The following PRDM16 variants were observed in gnomAD, a reference collection of about 807,000 sequenced individuals.
The protein encoded by PRDM16 is PR/SET domain 16.
PRDM16 carries 23 observed loss-of-function variants against 110.6 expected under a neutral mutation model. The observed-to-expected ratio is 0.21, with a 90% CI of 0.15 to 0.29. PRDM16 has a LOEUF of 0.29. Among genes scored for constraint, PRDM16 ranks in the 10% least tolerant of loss-of-function variants. PRDM16 has a pLI of 1.00. For missense variants in PRDM16, 1,615 were observed against 1,794.3 expected (o/e 0.90, Z 1.81); for synonymous variants, 799 against 781.8 (o/e 1.02, Z -0.37).
chr1:3,411,455 C>T lies in PRDM16; in HGVS notation c.1258C>T (p.Arg420Cys). The change falls in exon 9 of 17, where the codon CGC (arginine) becomes TGC (cysteine). Residue 420 changes from arginine (R) to cysteine (C), a missense_variant. Transcript: ENST00000270722. ...GCACAAGCGGATGCACGCCGACTGC[C>T]GCACGCAGATCAAGTGCAAGGACTG... is the stretch of plus-strand genomic sequence containing the variant. ...CRHKRMHADC[R>C]TQIKCKDCGQ... The T allele has an allele frequency of 1.2e-6, 2 of 1,614,196 alleles. No homozygotes were observed. The highest frequency in any genetic ancestry group is 1.1e-5 in the South Asian group (1 of 91,080).
intron 1 of PRDM16, among the ~76,000 whole-genome samples, chr1:3,183,247 C>A (rs1199270327): frequency 6.6e-6 from 1 of 152,162 alleles, no homozygotes; most frequent in Non-Finnish European, 1.5e-5. Context: ...GGTCGGGCAG[C>A]CTCCTGAACT....
intron 1 of PRDM16, among the ~76,000 whole-genome samples, chr1:3,141,845 G>A (rs1249557167): frequency 2.0e-5 from 3 of 152,258 alleles, no homozygotes; most frequent in Non-Finnish European, 4.4e-5. Context: ...GCGGCCTTCA[G>A]TCGGTCAGAT....
intron 1 of PRDM16, among the ~76,000 whole-genome samples, chr1:3,082,949 G>A (rs1034667299): frequency 5.3e-5 from 8 of 152,202 alleles, no homozygotes; most frequent in Admixed American, 4.6e-4. Context: ...ACACTTCTGG[G>A]ACAGATGAAA....
intron 1 of PRDM16, among the ~76,000 whole-genome samples, chr1:3,159,963 T>TAA (rs1167048564): frequency 1.3e-5 from 2 of 152,256 alleles, no homozygotes; most frequent in African/African-American, 2.4e-5. Flanking sequence ...GGGACATACT[T>TAA]ACACTAAAAA....
Position 3,209,439 on chromosome 1 carries a change from T to G in PRDM16, c.387+22965T>G, listed in dbSNP as rs1253362874. On this transcript the variant is annotated intron_variant, in intron 2 of 16. Coordinates refer to ENST00000270722, the MANE Select transcript of PRDM16 (RefSeq NM_022114.4). The surrounding 1 kb of genome is among the most constrained non-coding windows in gnomAD (Gnocchi z 4.6). Reference sequence around the variant, plus strand: ...GCTCTCCCTTCTTCCTGGGGAGGCCTGTGAAGGTCGCGTGAATGCCTGTGT... The same window carrying G: ...GCTCTCCCTTCTTCCTGGGGAGGCCGGTGAAGGTCGCGTGAATGCCTGTGT... Among the ~76,000 whole-genome samples, 2 of 152,116 alleles carry G rather than the reference T, an allele frequency of 1.3e-5. No homozygotes were observed. The highest frequency in any genetic ancestry group is 4.8e-5 in the African/African-American group (2 of 41,418).
intron 2 of PRDM16, among the ~76,000 whole-genome samples, chr1:3,200,590 C>T (rs947779515): frequency 6.6e-6 from 1 of 152,236 alleles, no homozygotes; most frequent in African/African-American, 2.4e-5. Flanking sequence ...GATCTGCCCG[C>T]CTCGGCCTCC....
intron 1 of PRDM16, among the ~76,000 whole-genome samples, chr1:3,145,872 C>A (rs900873935): frequency 6.6e-6 from 1 of 152,192 alleles, no homozygotes; most frequent in Non-Finnish European, 1.5e-5. Context: ...CTGTATCGCC[C>A]CAGCAGGTGG....
In PRDM16 at chr1:3,341,356, C is replaced by T. The variant is rs181018572; in HGVS notation, c.439-43796C>T. ...CTGCAGGCCCTGGGCCTTGTGGTTGCAGCTGCTGCCTTAGAGAGCTTCCCA... is the reference window on the plus strand; with the variant it reads ...CTGCAGGCCCTGGGCCTTGTGGTTGTAGCTGCTGCCTTAGAGAGCTTCCCA... On this transcript the variant is annotated intron_variant, in intron 3 of 16. Transcript: ENST00000270722. Among the ~76,000 whole-genome samples the T allele has an allele frequency of 2.8e-3, 429 of 152,312 alleles. 1 individual carries two copies. Among genetic ancestry groups the T allele is most frequent in the African/African-American group, 9.5e-3 (396 of 41,582 alleles).
At chr1:3,257,362 G>A (rs963081764) in intron 3 of PRDM16, among the ~76,000 whole-genome samples, 2 of 152,190 alleles carry the variant, frequency 1.3e-5, no homozygotes, top group Non-Finnish European at 2.9e-5. Context: ...GGGCACTGCT[G>A]CTCTAGGCCG....
intron 1 of PRDM16, among the ~76,000 whole-genome samples, chr1:3,101,688 C>T (rs1276263545): frequency 1.3e-5 from 2 of 152,218 alleles, no homozygotes; most frequent in African/African-American, 2.4e-5. Flanking sequence ...GGGAACAGAA[C>T]TTGGCAAGGT....
At chr1:3,409,886 T>G (rs1285512620) in intron 8 of PRDM16, among the ~76,000 whole-genome samples, 6 of 125,272 alleles carry the variant, frequency 4.8e-5, no homozygotes, top group African/African-American at 1.9e-4. Context: ...TGTGGTTGTG[T>G]GCATGTGTGT....
At chr1:3,074,727 G>T (rs1641857415) in intron 1 of PRDM16, among the ~76,000 whole-genome samples, 1 of 152,224 alleles carries the variant, frequency 6.6e-6, no homozygotes, top group African/African-American at 2.4e-5. Context: ...AGGAGGCTCA[G>T]GTTGGCCCGG....
chr1:3,116,693 G>T (rs1457872870), intron 1 of PRDM16, among the ~76,000 whole-genome samples: 1 of 152,206 alleles, frequency 6.6e-6, no homozygotes, highest in African/African-American at 2.4e-5. Context: ...CCAGACGATG[G>T]TCAGGCTGAC....
At chr1:3,251,676 A>AG (rs903390521) in intron 3 of PRDM16, among the ~76,000 whole-genome samples, 18 of 152,138 alleles carry the variant, frequency 1.2e-4, no homozygotes, top group African/African-American at 3.9e-4. Context: ...GCAGGGTGCA[A>AG]GGGGAGGCCG....
chr1:3,362,255 A>G (rs911618307), intron 3 of PRDM16, among the ~76,000 whole-genome samples: 5 of 152,328 alleles, frequency 3.3e-5, no homozygotes, highest in East Asian at 1.9e-4. Context: ...GTGAGTGCAA[A>G]TGTCAAACAT....
chr1:3,254,975 C>T (rs1640012760), intron 3 of PRDM16, among the ~76,000 whole-genome samples: 1 of 152,144 alleles, frequency 6.6e-6, no homozygotes, highest in African/African-American at 2.4e-5. Flanking sequence ...ATCGATGGAA[C>T]AGAACAGAGC....
rs142057543 is a variant in PRDM16, at chr1:3,193,131, G to A, written c.387+6657G>A. ...TACCCAGCAGACACAGCGGCCAGAC[G>A]ACGAGTACCCAGCAGACGCAGCGGC... On this transcript the variant is annotated intron_variant, in intron 2 of 16. Transcript: ENST00000270722. Among the ~76,000 whole-genome samples, 1,520 of 152,232 alleles carry A rather than the reference G, an allele frequency of 1.0e-2. 14 individuals are homozygous for A. Among genetic ancestry groups the A allele is most frequent in the Non-Finnish European group, 0.015 (1,038 of 67,984 alleles).
intron 1 of PRDM16, among the ~76,000 whole-genome samples, chr1:3,169,055 T>A (rs1643994547): frequency 6.6e-6 from 1 of 152,160 alleles, no homozygotes; most frequent in East Asian, 1.9e-4. Context: ...AGGGACGTCC[T>A]GAGACCCTGT....
rs919003354 is a variant in PRDM16, at chr1:3,265,151, C to T, written c.438+21014C>T. ...TGCCACCTATTGAGGCCGAGGCGAG[C>T]GGGCTGTTAGGACTGGGACTGAGGG... On this transcript the variant is annotated intron_variant, in intron 3 of 16. Coordinates refer to ENST00000270722, the MANE Select transcript of PRDM16 (RefSeq NM_022114.4). The surrounding 1 kb of genome is among the most constrained non-coding windows in gnomAD (Gnocchi z 4.5). 1.4e-4 allele frequency among the ~76,000 whole-genome samples: 21 copies of T among 152,018 alleles called. No homozygotes were observed. Among genetic ancestry groups the T allele is most frequent in the African/African-American group, 3.6e-4 (15 of 41,374 alleles).
Sources: allele counts gnomAD v4.1 joint callset (sites outside exome capture counted in the v4.1 genomes callset), GRCh38; gene constraint gnomAD v4.1.1; non-coding constraint Gnocchi (gnomAD v3.1); transcripts MANE v1.5; gene names NCBI Gene and HGNC (gene_info 2026-07-23, HGNC 2026-07-21).